The following THSD4 variants were observed in gnomAD, a reference collection of about 807,000 sequenced individuals.
THSD4 encodes thrombospondin type-1 domain-containing protein 4.
In THSD4, 69 loss-of-function variants were observed where a neutral mutation model predicts 119.0. The ratio of observed to expected loss-of-function variants is 0.58; its 90% CI spans 0.48 to 0.71. THSD4 has a LOEUF of 0.71. Among genes scored for constraint, THSD4 ranks in the 30% least tolerant of loss-of-function variants. The pLI, the probability that THSD4 is intolerant of heterozygous loss-of-function variation, is 0.00. For missense variants in THSD4, 1,393 were observed against 1,391.1 expected, an observed-to-expected ratio of 1.00 and a Z score of -0.02; for synonymous variants, 524 against 540.4, an observed-to-expected ratio of 0.97 and a Z score of 0.42.
intron 6 of THSD4, among the ~76,000 whole-genome samples, chr15:71,322,685 C>A (rs1349065416): frequency 6.6e-6 from 1 of 152,194 alleles, no homozygotes; most frequent in Admixed American, 6.5e-5. Context: ...AAGTAGCTCA[C>A]TCCCTGGTGC....
chr15:71,263,421 G>T (rs2044426688), intron 6 of THSD4, among the ~76,000 whole-genome samples: 2 of 151,228 alleles, frequency 1.3e-5, no homozygotes, highest in Admixed American at 1.3e-4. Flanking sequence ...TGTGAATAGT[G>T]CCAATGAAAG....
chr15:71,651,237 C>T (rs1389280012), intron 7 of THSD4, among the ~76,000 whole-genome samples: 1 of 152,334 alleles, frequency 6.6e-6, no homozygotes, highest in East Asian at 1.9e-4. Flanking sequence ...GCCATTCCTT[C>T]AGCGTGATGT....
chr15:71,600,899 A>C (rs1186912674), intron 7 of THSD4, among the ~76,000 whole-genome samples: 1 of 151,992 alleles, frequency 6.6e-6, no homozygotes, highest in Non-Finnish European at 1.5e-5. Flanking sequence ...GGCACTCACC[A>C]CCATGCCTGG....
intron 2 of THSD4, among the ~76,000 whole-genome samples, chr15:71,152,988 A>C (rs2040739659): frequency 6.6e-6 from 1 of 152,102 alleles, no homozygotes; most frequent in Non-Finnish European, 1.5e-5. Context: ...TGGTGCTAAA[A>C]CATAACATCT....
chr15:71,728,892 T>C (rs2052918855), intron 9 of THSD4, 168 bp downstream of exon 9: 4 of 825,698 alleles, frequency 4.8e-6, no homozygotes, highest in Admixed American at 2.3e-5. Flanking sequence ...TCTTTGCCTT[T>C]ACTTCTGAAT....
At chr15:71,739,397 A>C (rs367631559) in intron 11 of THSD4, among the ~76,000 whole-genome samples, 5 of 152,314 alleles carry the variant, frequency 3.3e-5, no homozygotes, top group South Asian at 4.1e-4. Flanking sequence ...ATTTAAATAA[A>C]GTAGGGTTGT....
At chr15:71,193,634 A>G (rs1373645987) in intron 3 of THSD4, among the ~76,000 whole-genome samples, 1 of 152,146 alleles carries the variant, frequency 6.6e-6, no homozygotes, top group East Asian at 1.9e-4. Flanking sequence ...CCCGGTAGAG[A>G]TCATTGAATC....
At chr15:71,760,311 A>G (rs2053608854) in intron 15 of THSD4, among the ~76,000 whole-genome samples, 1 of 152,214 alleles carries the variant, frequency 6.6e-6, no homozygotes, top group African/African-American at 2.4e-5. Flanking sequence ...GGCTTGTGCA[A>G]AAAGCCAGTC....
chr15:71,222,975 G>A (rs973129246), intron 4 of THSD4, among the ~76,000 whole-genome samples: 1 of 152,118 alleles, frequency 6.6e-6, no homozygotes, highest in Non-Finnish European at 1.5e-5. Context: ...TCCCTGGTGG[G>A]AATAATAATA....
At chr15:71,130,554 A>G (rs2040494108) in intron 1 of THSD4, among the ~76,000 whole-genome samples, 1 of 152,088 alleles carries the variant, frequency 6.6e-6, no homozygotes, top group Non-Finnish European at 1.5e-5. Context: ...TTGCATTCAA[A>G]TCGTGCTGCT....
At chr15:71,597,678 A>G (rs1310354519) in intron 7 of THSD4, among the ~76,000 whole-genome samples, 1 of 152,204 alleles carries the variant, frequency 6.6e-6, no homozygotes, top group Non-Finnish European at 1.5e-5. Flanking sequence ...TCTCCTGCAT[A>G]TGTCCCACCC....
At chr15:71,548,519 T>C (rs928474814) in intron 7 of THSD4, among the ~76,000 whole-genome samples, 3 of 152,186 alleles carry the variant, frequency 2.0e-5, no homozygotes, top group African/African-American at 7.2e-5. Flanking sequence ...TCAGCAGGCT[T>C]GTTGCTCTGT....
intron 7 of THSD4, among the ~76,000 whole-genome samples, chr15:71,550,323 C>G (rs978758486): frequency 2.0e-5 from 3 of 152,078 alleles, no homozygotes; most frequent in African/African-American, 7.2e-5. Context: ...CAGATAAGAC[C>G]AATGAGACAT....
At chr15:71,735,463 T>C (rs547602159) in intron 10 of THSD4, among the ~76,000 whole-genome samples, 3 of 151,164 alleles carry the variant, frequency 2.0e-5, no homozygotes, top group South Asian at 2.2e-4. Context: ...TCTCTCTCTC[T>C]CTCTCTCTTT....
intron 6 of THSD4, among the ~76,000 whole-genome samples, chr15:71,257,836 C>A (rs997779819): frequency 2.6e-5 from 4 of 151,978 alleles, no homozygotes; most frequent in African/African-American, 9.7e-5. Context: ...TAAGAACTAA[C>A]TTGACTGAAA....
intron 7 of THSD4, among the ~76,000 whole-genome samples, chr15:71,573,397 A>G (rs1436346057): frequency 6.6e-6 from 1 of 152,246 alleles, no homozygotes; most frequent in African/African-American, 2.4e-5. Context: ...CAAGGACCGA[A>G]GAAACTTCAT....
At chr15:71,659,430 G>A (rs376157939) in intron 7 of THSD4, among the ~76,000 whole-genome samples, 2 of 152,006 alleles carry the variant, frequency 1.3e-5, no homozygotes, top group Non-Finnish European at 2.9e-5. Flanking sequence ...TTAATTTTTG[G>A]TTTTTTTAAA....
intron 1 of THSD4, among the ~76,000 whole-genome samples, chr15:71,137,684 A>G (rs546248781): frequency 3.3e-4 from 50 of 152,288 alleles, no homozygotes; most frequent in African/African-American, 1.1e-3. Flanking sequence ...GCCAAGAAGA[A>G]TGGCAGAGCT....
At chr15:71,685,889 C>T (rs1235005050) in intron 8 of THSD4, among the ~76,000 whole-genome samples, 1 of 152,082 alleles carries the variant, frequency 6.6e-6, no homozygotes, top group African/African-American at 2.4e-5. Context: ...TCTCAAAGAT[C>T]CCCTGAGAGG....
Sources: allele counts gnomAD v4.1 joint callset (sites outside exome capture counted in the v4.1 genomes callset), GRCh38; gene constraint gnomAD v4.1.1; transcripts MANE v1.5; gene names NCBI Gene and HGNC (gene_info 2026-07-23, HGNC 2026-07-21).